Variants in GRIK4 observed in about 807,000 individuals in gnomAD.
GRIK4 encodes the protein glutamate receptor ionotropic, kainate 4.
Under a neutral mutation model 104.9 loss-of-function variants are expected in GRIK4, and 40 were observed. The observed-to-expected ratio is 0.38, with a 90% CI of 0.30 to 0.50. GRIK4 has a LOEUF of 0.50. GRIK4 is among the 20% of genes least tolerant of loss of function. The probability of loss-of-function intolerance (pLI) is 0.93; values close to 1 mark genes in which losing one functional copy is unlikely to be tolerated. For synonymous variants in GRIK4, 485 were observed against 524.9 expected (o/e 0.92, Z 1.04); for missense variants, 1,047 against 1,308.1 (o/e 0.80, Z 3.08).
At chr11:120,800,951 C>A (rs1319765236) in intron 3 of GRIK4, among the ~76,000 whole-genome samples, 1 of 149,974 alleles carries the variant, frequency 6.7e-6, no homozygotes, top group Non-Finnish European at 1.5e-5. Context: ...TGAGATATAA[C>A]TTGCATACCA....
At chr11:120,516,897 C>T (rs895379404) in intron 1 of GRIK4, among the ~76,000 whole-genome samples, 14 of 151,986 alleles carry the variant, frequency 9.2e-5, no homozygotes, top group Non-Finnish European at 1.5e-4. Context: ...CTGGAGCCAT[C>T]GGGGCTCACC....
intron 1 of GRIK4, among the ~76,000 whole-genome samples, chr11:120,645,658 G>C (rs995258652): frequency 6.6e-6 from 1 of 152,158 alleles, no homozygotes; most frequent in East Asian, 1.9e-4. Context: ...TGATCTCCCC[G>C]TGCTCTCAGA....
chr11:120,573,062 G>A (rs1948421780), intron 1 of GRIK4, among the ~76,000 whole-genome samples: 1 of 152,190 alleles, frequency 6.6e-6, no homozygotes, highest in Non-Finnish European at 1.5e-5. Context: ...TATTTAAAAT[G>A]TGTTTAAAGC....
chr11:120,571,593 T>C (rs1342773285), intron 1 of GRIK4, among the ~76,000 whole-genome samples: 2 of 152,062 alleles, frequency 1.3e-5, no homozygotes, highest in African/African-American at 4.8e-5. Context: ...CAAGCTATGA[T>C]TCTAACTCCT....
At position 120,831,901 on chromosome 11, in the gene GRIK4, C is replaced by T. The variant is rs1400511920; in HGVS notation, c.561C>T (p.Asp187=). Residue 187 remains aspartate (D), a synonymous_variant, in exon 7 of 21, where the codon GAC becomes GAT. Transcript: ENST00000527524. ...TCCGGCAATTCCTTATCTCCAAGGA[C>T]ACGCTGTCCGTCCGCATGCTGGATG... ...KLLRQFLISK[D]TLSVRMLDDT... 2 of 1,613,960 alleles carry T rather than the reference C, an allele frequency of 1.2e-6. No individual in the cohort carries two copies. The highest frequency in any genetic ancestry group is 1.7e-5 in the Admixed American group (1 of 60,024).
At chr11:120,740,687 G>A (rs1951312005) in intron 3 of GRIK4, among the ~76,000 whole-genome samples, 1 of 152,176 alleles carries the variant, frequency 6.6e-6, no homozygotes, top group Non-Finnish European at 1.5e-5. Flanking sequence ...GTGCTCCCAT[G>A]GAGCTGAGTG....
intron 11 of GRIK4, among the ~76,000 whole-genome samples, chr11:120,897,400 C>T (rs1263274381): frequency 6.0e-5 from 9 of 150,688 alleles, no homozygotes; most frequent in South Asian, 2.1e-4. Context: ...TTTGGGAGGC[C>T]GAGGTGGGTG....
intron 2 of GRIK4, among the ~76,000 whole-genome samples, chr11:120,658,602 T>C (rs1949753574): frequency 6.6e-6 from 1 of 152,178 alleles, no homozygotes; most frequent in South Asian, 2.1e-4. Flanking sequence ...TTCCTGATGC[T>C]TAATGAGGCT....
At chr11:120,878,613 G>C (rs1232893625) in intron 11 of GRIK4, among the ~76,000 whole-genome samples, 2 of 134,404 alleles carry the variant, frequency 1.5e-5, no homozygotes, top group African/African-American at 5.8e-5. Context: ...TTTATGCCCC[G>C]CCCCCCCCCC....
At position 120,819,930 on chromosome 11, in the gene GRIK4, C is replaced by T. The variant is rs757381081; in HGVS notation, c.511+10C>T. On this transcript the variant is annotated intron_variant, in intron 6 of 20. Coordinates refer to ENST00000527524, the MANE Select transcript of GRIK4 (RefSeq NM_014619.5). This position sits in a 1 kb window ranked among gnomAD's most constrained non-coding sequence, Gnocchi z 4.3. ...TGTGCCAAAGCAGAATGTAAGTTTC[C>T]CCAGGCTGGCTCTGCCCCAGACAGT... The T allele has an allele frequency of 6.2e-7, 1 of 1,612,960 alleles. No homozygotes were observed. Among genetic ancestry groups the T allele is most frequent in the South Asian group, 1.1e-5 (1 of 91,006 alleles).
chr11:120,670,170 C>T (rs1318436405), intron 3 of GRIK4, among the ~76,000 whole-genome samples: 2 of 152,362 alleles, frequency 1.3e-5, no homozygotes, highest in African/African-American at 4.8e-5. Context: ...AACTGCGTCT[C>T]ACCACCTCAG....
At chr11:120,633,418 A>G (rs1003380422) in intron 1 of GRIK4, among the ~76,000 whole-genome samples, 11 of 152,102 alleles carry the variant, frequency 7.2e-5, no homozygotes, top group African/African-American at 2.7e-4. Context: ...ATCGCTGCCC[A>G]TGCCTTGTTC....
intron 3 of GRIK4, among the ~76,000 whole-genome samples, chr11:120,710,341 T>A (rs1482569585): frequency 6.6e-6 from 1 of 152,018 alleles, no homozygotes; most frequent in Non-Finnish European, 1.5e-5. Flanking sequence ...CACCGGGAGG[T>A]TAGGAGGTCT....
chr11:120,866,371 C>T (rs1293236770), intron 9 of GRIK4, among the ~76,000 whole-genome samples: 1 of 152,200 alleles, frequency 6.6e-6, no homozygotes, highest in East Asian at 1.9e-4. Flanking sequence ...CACCGCTCTT[C>T]TGTGTGCAAA....
intron 3 of GRIK4, among the ~76,000 whole-genome samples, chr11:120,782,999 G>T (rs1952189632): frequency 6.6e-6 from 1 of 152,202 alleles, no homozygotes; most frequent in African/African-American, 2.4e-5. Flanking sequence ...GAGCCCTGGT[G>T]ACCTAACTAC....
intron 1 of GRIK4, among the ~76,000 whole-genome samples, chr11:120,547,884 G>A (rs1404908618): frequency 6.6e-6 from 1 of 152,196 alleles, no homozygotes; most frequent in Admixed American, 6.5e-5. Flanking sequence ...GAACTCATTA[G>A]CGGGATAAAT....
intron 9 of GRIK4, among the ~76,000 whole-genome samples, chr11:120,864,913 C>T (rs1366627692): frequency 1.3e-5 from 2 of 152,218 alleles, no homozygotes; most frequent in African/African-American, 4.8e-5. Flanking sequence ...GACATTTTCT[C>T]ACCGTGTGAT....
rs1420240287 is a variant in GRIK4 at position 120,940,817 on chromosome 11, C to T, written c.1590+357C>T. 1.3e-5 allele frequency among the ~76,000 whole-genome samples: 2 copies of T among 152,236 alleles called. No individual in the cohort carries two copies. Among genetic ancestry groups the T allele is most frequent in the Non-Finnish European group, 2.9e-5 (2 of 68,042 alleles). ...TAGCATTTCTCAAGCACGTTGCCAACTTCCAAGTCTGTGTTCACTTCTAGT... is the reference window on the plus strand; with the variant it reads ...TAGCATTTCTCAAGCACGTTGCCAATTTCCAAGTCTGTGTTCACTTCTAGT... On this transcript the variant is annotated intron_variant, in intron 14 of 20. Transcript: ENST00000527524. This position sits in a 1 kb window ranked among gnomAD's most constrained non-coding sequence, Gnocchi z 4.3.
chr11:120,721,382 T>TA (rs1950931585), intron 3 of GRIK4, among the ~76,000 whole-genome samples: 2 of 152,082 alleles, frequency 1.3e-5, no homozygotes. Flanking sequence ...TATTGTGCAT[T>TA]AATAGAAAAA....
Sources: allele counts gnomAD v4.1 joint callset (sites outside exome capture counted in the v4.1 genomes callset), GRCh38; gene constraint gnomAD v4.1.1; non-coding constraint Gnocchi (gnomAD v3.1); transcripts MANE v1.5; gene names NCBI Gene and HGNC (gene_info 2026-07-23, HGNC 2026-07-21).